MAGI2: variants seen among roughly 807,000 people sequenced by gnomAD.
MAGI2 encodes the protein membrane associated guanylate kinase, WW and PDZ domain containing 2, also known as membrane-associated guanylate kinase, WW and PDZ domain-containing protein 2.
In MAGI2, 35 loss-of-function variants were observed where a neutral mutation model predicts 133.3. That is an observed-to-expected ratio of 0.26 (90% CI 0.20 to 0.35). The LOEUF (loss-of-function observed/expected upper bound fraction) is 0.35, where lower values mean the gene tolerates loss of function less well. MAGI2 is among the 10% of genes least tolerant of loss of function. MAGI2 has a pLI of 1.00. For synonymous variants in MAGI2, 729 were observed against 710.6 expected (o/e 1.03, Z -0.41); for missense variants, 1,636 against 1,863.4 (o/e 0.88, Z 2.25).
At chr7:79,177,340 A>G (rs954008059) in intron 1 of MAGI2, 3 of 152,060 alleles carry the variant, frequency 2.0e-5, no homozygotes, top group Non-Finnish European at 4.4e-5. Flanking sequence ...GCATGAAAAA[A>G]GAATTAGTAA....
intron 1 of MAGI2, among the ~76,000 whole-genome samples, chr7:79,109,599 G>T (rs971933837): frequency 1.3e-5 from 2 of 152,184 alleles, no homozygotes; most frequent in African/African-American, 4.8e-5. Flanking sequence ...AGGAAGCAGA[G>T]CAAAATATTT....
rs149360583 is a variant in MAGI2 at position 79,111,325 on chromosome 7, T to C, written c.302-104119A>G. On this transcript the variant is annotated intron_variant, in intron 1 of 21. Coordinates refer to ENST00000354212, the MANE Select transcript of MAGI2 (RefSeq NM_012301.4). Reference sequence around the variant, plus strand: ...TTTTGCTTATCCAAATTGTGTTCTCTTGACAAGCCTGATGATTTTGAACCT... The same window carrying C: ...TTTTGCTTATCCAAATTGTGTTCTCCTGACAAGCCTGATGATTTTGAACCT... Among the ~76,000 whole-genome samples, 678 of 152,342 alleles carry C rather than the reference T, an allele frequency of 4.5e-3. 5 individuals carry two copies. Among genetic ancestry groups the C allele is most frequent in the Non-Finnish European group, 5.7e-3 (387 of 68,024 alleles).
intron 2 of MAGI2, among the ~76,000 whole-genome samples, chr7:78,835,741 C>T (rs1791566343): frequency 6.6e-6 from 1 of 152,144 alleles, no homozygotes; most frequent in South Asian, 2.1e-4. Flanking sequence ...ATAAATGTGG[C>T]AGGAGGAAAA....
intron 2 of MAGI2, among the ~76,000 whole-genome samples, chr7:78,665,179 A>T (rs1813414573): frequency 6.6e-6 from 1 of 152,128 alleles, no homozygotes; most frequent in South Asian, 2.1e-4. Flanking sequence ...AGGTGATGTT[A>T]CTACCTACGA....
rs1033556679 is a variant in MAGI2, at chr7:78,207,144, G to GT, written c.2048-5952dup. On this transcript the variant is annotated intron_variant, in intron 10 of 21. Coordinates refer to ENST00000354212, the MANE Select transcript of MAGI2 (RefSeq NM_012301.4). The stretch of plus-strand genomic sequence containing the variant: ...AAAGAGAAAGTAATAAATGGAGAGA[G>GT]TTTTTTTTTCACAGTCCCTGTGATG... 1.4e-3 allele frequency among the ~76,000 whole-genome samples: 209 copies of GT among 151,300 alleles called. 1 individual carries two copies. The highest frequency in any genetic ancestry group is 4.5e-3 in the African/African-American group (185 of 41,250).
intron 2 of MAGI2, among the ~76,000 whole-genome samples, chr7:78,820,641 G>T (rs574422587): frequency 1.1e-4 from 16 of 151,852 alleles, no homozygotes; most frequent in Non-Finnish European, 2.1e-4. Flanking sequence ...ATAAAACAAA[G>T]AATAAAGATG....
At chr7:78,167,070 C>A (rs775805854) in intron 15 of MAGI2, among the ~76,000 whole-genome samples, 31 of 151,938 alleles carry the variant, frequency 2.0e-4, no homozygotes, top group Non-Finnish European at 3.7e-4. Flanking sequence ...GAGAAGCCAG[C>A]GGGCCGCTGG....
chr7:79,387,094 T>TTGTGTGTGTGTG (rs3050633), intron 1 of MAGI2, among the ~76,000 whole-genome samples: 6,695 of 141,514 alleles, frequency 0.047, 180 homozygotes, highest in South Asian at 0.074. Context: ...ATTTTTATGC[T>TTGTGTGTGTGTG]TGTGTGTGTG....
At chr7:78,201,798 T>C (rs1320347636) in intron 10 of MAGI2, among the ~76,000 whole-genome samples, 1 of 152,226 alleles carries the variant, frequency 6.6e-6, no homozygotes. Flanking sequence ...TCAAAATGTT[T>C]GTTACTTGAA....
chr7:79,440,805 A>T (rs1223063200), intron 1 of MAGI2, among the ~76,000 whole-genome samples: 1 of 152,186 alleles, frequency 6.6e-6, no homozygotes, highest in African/African-American at 2.4e-5. Context: ...AGATAGTGCT[A>T]GTCCTAGCTT....
intron 10 of MAGI2, chr7:78,255,232 G>A (rs929206047): frequency 6.5e-5 from 10 of 152,898 alleles, no homozygotes; most frequent in African/African-American, 2.4e-4. Flanking sequence ...AGGGCTCAGA[G>A]CTTCTACCAC....
intron 1 of MAGI2, among the ~76,000 whole-genome samples, chr7:79,215,206 C>G (rs967417886): frequency 6.6e-6 from 1 of 151,866 alleles, no homozygotes; most frequent in Admixed American, 6.6e-5. Context: ...GACTGACAAA[C>G]AGACTCTTTG....
chr7:79,397,669 C>T (rs1297667245), intron 1 of MAGI2, among the ~76,000 whole-genome samples: 1 of 152,072 alleles, frequency 6.6e-6, no homozygotes, highest in Non-Finnish European at 1.5e-5. Flanking sequence ...ATCTCATATA[C>T]TTGTTTTTGT....
At chr7:79,094,692 G>A (rs1163168660) in intron 1 of MAGI2, among the ~76,000 whole-genome samples, 1 of 152,196 alleles carries the variant, frequency 6.6e-6, no homozygotes, top group Non-Finnish European at 1.5e-5. Flanking sequence ...TAGCTGGCAT[G>A]AAAACCCATT....
At chr7:79,226,902 C>T (rs1042628585) in intron 1 of MAGI2, among the ~76,000 whole-genome samples, 2 of 152,038 alleles carry the variant, frequency 1.3e-5, no homozygotes, top group Non-Finnish European at 2.9e-5. Context: ...ATGTAATTTG[C>T]AAGTGACTAT....
At chr7:79,361,111 C>T (rs1243235283) in intron 1 of MAGI2, among the ~76,000 whole-genome samples, 1 of 152,140 alleles carries the variant, frequency 6.6e-6, no homozygotes, top group Non-Finnish European at 1.5e-5. Context: ...ATAATTACTA[C>T]ATTCAAAGAG....
At chr7:79,053,395 G>A (rs893159621) in intron 1 of MAGI2, among the ~76,000 whole-genome samples, 2 of 152,076 alleles carry the variant, frequency 1.3e-5, no homozygotes, top group African/African-American at 4.8e-5. Flanking sequence ...ACATGAAAAT[G>A]TATAAACTTT....
intron 1 of MAGI2, among the ~76,000 whole-genome samples, chr7:79,018,505 C>T (rs762671371): frequency 1.6e-4 from 24 of 152,142 alleles, no homozygotes; most frequent in Non-Finnish European, 2.1e-4. Flanking sequence ...TGCATAATTA[C>T]GAGCTAACAA....
rs560325397 is a variant in MAGI2, at chr7:78,556,973, C to T, written c.539-35328G>A. ...GGGCATGGTGGCAGGTGCCTGTAGT[C>T]CCAGCTACTCAGGAGGCTGAGGCAG... On this transcript the variant is annotated intron_variant, in intron 3 of 21. Transcript: ENST00000354212. 1.5e-4 allele frequency among the ~76,000 whole-genome samples: 23 copies of T among 151,464 alleles called. No homozygotes were observed. The South Asian group carries it at 4.2e-3, about 28-fold the overall frequency.
Sources: allele counts gnomAD v4.1 joint callset (sites outside exome capture counted in the v4.1 genomes callset), GRCh38; gene constraint gnomAD v4.1.1; transcripts MANE v1.5; gene names NCBI Gene and HGNC (gene_info 2026-07-23, HGNC 2026-07-21).